Variants in NCAM1 observed in about 807,000 individuals in gnomAD.
The protein encoded by NCAM1 is antigen recognized by monoclonal antibody 5.1H11.
In NCAM1, 14 loss-of-function variants were observed where a neutral mutation model predicts 109.8. That is an observed-to-expected ratio of 0.13 (90% CI 0.08 to 0.20). The LOEUF is 0.20. Among genes scored for constraint, NCAM1 ranks in the 10% least tolerant of loss-of-function variants. The probability of loss-of-function intolerance (pLI) is 1.00; values close to 1 mark genes in which losing one functional copy is unlikely to be tolerated. For synonymous variants in NCAM1, 418 were observed against 442.9 expected, an observed-to-expected ratio of 0.94 and a Z score of 0.70; for missense variants, 774 against 1,109.9, an observed-to-expected ratio of 0.70 and a Z score of 4.30.
chr11:113,025,529 G>T (rs1952511815), intron 1 of NCAM1, among the ~76,000 whole-genome samples: 1 of 151,858 alleles, frequency 6.6e-6, no homozygotes. Flanking sequence ...GAATGAATAA[G>T]ATGTTTCAAA....
In NCAM1 at chr11:113,167,727, C is replaced by T. The variant is rs531370558; in HGVS notation, c.53-34652C>T. Among the ~76,000 whole-genome samples, 27 of 152,228 alleles carry T rather than the reference C, an allele frequency of 1.8e-4. No homozygotes were observed. The East Asian group carries it at 5.2e-3, about 29-fold the overall frequency. On this transcript the variant is annotated intron_variant, in intron 1 of 19. Transcript: ENST00000316851. ...GAGCCCGTGTTCTATGCATTCTCATCATGTGGTTCACATAACTCAGCTCAA... is the reference window on the plus strand; with the variant it reads ...GAGCCCGTGTTCTATGCATTCTCATTATGTGGTTCACATAACTCAGCTCAA...
intron 1 of NCAM1, among the ~76,000 whole-genome samples, chr11:113,028,173 G>A (rs137875050): frequency 5.4e-4 from 82 of 152,244 alleles, no homozygotes; most frequent in Non-Finnish European, 9.3e-4. Flanking sequence ...GATAGCTAAC[G>A]AAGAAGATCT....
chr11:113,146,830 A>C (rs571237407), intron 1 of NCAM1, among the ~76,000 whole-genome samples: 1 of 152,188 alleles, frequency 6.6e-6, no homozygotes, highest in East Asian at 1.9e-4. Context: ...GGCTGGTTCA[A>C]ATCCCAGATA....
rs77832596 is a variant in NCAM1 at position 113,166,862 on chromosome 11, A to G, written c.53-35517A>G. 4.1e-3 allele frequency among the ~76,000 whole-genome samples: 629 copies of G among 152,324 alleles called. 3 individuals carry two copies. The highest frequency in any genetic ancestry group is 0.014 in the African/African-American group (598 of 41,560). ...CCAAGAAAAATGAAATACAAATATA[A>G]TCATTTTAAGCACTTTTTAGTAATC... On this transcript the variant is annotated intron_variant, in intron 1 of 19. Transcript: ENST00000316851.
rs553566575 is a variant in NCAM1, at chr11:113,224,290, G to A, written c.1089+2965G>A. Among the ~76,000 whole-genome samples the A allele has an allele frequency of 4.6e-5, 7 of 152,312 alleles. No homozygotes were observed. The East Asian group carries it at 7.7e-4, about 17-fold the overall frequency. On this transcript the variant is annotated intron_variant, in intron 9 of 19. Transcript: ENST00000316851. ...ACGGCACACCAGGAGATTATATCCC[G>A]CGCATGGCTCAGAGGGTCCTACGCC...
chr11:113,017,321 T>G (rs782285090), intron 1 of NCAM1, among the ~76,000 whole-genome samples: 3 of 152,216 alleles, frequency 2.0e-5, no homozygotes. Context: ...TGTTTAGACA[T>G]GAACAAACTT....
chr11:113,275,196 A>C (rs1232675515), intron 19 of NCAM1, 71 bp from the exon 20 acceptor site: 1 of 1,588,536 alleles, frequency 6.3e-7, no homozygotes, highest in East Asian at 2.3e-5. Flanking sequence ...GCTGTCCCCA[A>C]GGCCTGGATG....
rs574030221 is a variant in NCAM1 at position 113,263,270 on chromosome 11, T to A, written c.2131+2947T>A. ...GTTGCATTTTGGGTTCAAACCTAAA[T>A]ATGATGTAGCAGAGGAAGAATTCTA... On this transcript the variant is annotated intron_variant, in intron 17 of 19. Coordinates refer to ENST00000316851, the MANE Select transcript of NCAM1 (RefSeq NM_181351.5). 3.4e-4 allele frequency: 351 copies of A among 1,031,094 alleles called. 2 individuals carry two copies. The African/African-American group carries it at 5.4e-3, about 16-fold the overall frequency. The allele number at this position is 1,031,094 out of a possible 1,614,324, so 63.9% of individuals were successfully genotyped here. A position where few individuals can be genotyped will look rare whatever the true frequency, so the allele number is the denominator to read the frequency against.
chr11:113,049,420 A>G (rs1555081429), intron 1 of NCAM1, among the ~76,000 whole-genome samples: 1 of 152,222 alleles, frequency 6.6e-6, no homozygotes, highest in Non-Finnish European at 1.5e-5. Flanking sequence ...AAATTAGCCT[A>G]TGTAATGTGT....
intron 1 of NCAM1, among the ~76,000 whole-genome samples, chr11:113,092,113 C>A (rs1490426083): frequency 6.6e-6 from 1 of 152,064 alleles, no homozygotes; most frequent in Admixed American, 6.5e-5. Flanking sequence ...ACAGCAACTT[C>A]TAGAGCTGCA....
intron 1 of NCAM1, among the ~76,000 whole-genome samples, chr11:113,112,486 AG>A (rs782187492): frequency 6.6e-6 from 1 of 152,248 alleles, no homozygotes; most frequent in Non-Finnish European, 1.5e-5. Flanking sequence ...TTTTCCTGCC[AG>A]ACAGAACACT....
intron 1 of NCAM1, among the ~76,000 whole-genome samples, chr11:113,111,442 T>G (rs72995961): frequency 6.6e-6 from 1 of 152,140 alleles, no homozygotes; most frequent in African/African-American, 2.4e-5. Context: ...TGATTCCGTA[T>G]GTATGATGTT....
chr11:113,213,140 G>C (rs1374407348), intron 7 of NCAM1, among the ~76,000 whole-genome samples: 1 of 152,220 alleles, frequency 6.6e-6, no homozygotes, highest in Non-Finnish European at 1.5e-5. Flanking sequence ...TATATAGGCA[G>C]TTGTTTATTT....
chr11:113,194,081 A>G (rs1565491007), intron 1 of NCAM1, among the ~76,000 whole-genome samples: 1 of 152,290 alleles, frequency 6.6e-6, no homozygotes, highest in East Asian at 1.9e-4. Flanking sequence ...GCCAGTCCCC[A>G]ATTATGCCGG....
chr11:112,995,734 C>T (rs4144892), intron 1 of NCAM1, among the ~76,000 whole-genome samples: 68,647 of 152,016 alleles, frequency 0.45, 16,371 homozygotes, highest in East Asian at 0.8. Context: ...TTTTCAGATG[C>T]AATTGGCTAG....
intron 14 of NCAM1, chr11:113,240,787 G>A (rs200008092): frequency 2.2e-5 from 36 of 1,613,066 alleles, no homozygotes; most frequent in African/African-American, 1.5e-4. Context: ...TTTCTTCAGC[G>A]GCATCTGCTA....
At chr11:113,270,445 C>T (rs567897287) in intron 18 of NCAM1, 50 bp downstream of exon 18, 8 of 1,569,284 alleles carry the variant, frequency 5.1e-6, no homozygotes, top group African/African-American at 1.3e-5. Flanking sequence ...TGCTCCAGCC[C>T]AGGGACCCAG....
At chr11:112,970,559 G>A (rs900696910) in intron 1 of NCAM1, among the ~76,000 whole-genome samples, 1 of 152,118 alleles carries the variant, frequency 6.6e-6, no homozygotes, top group Non-Finnish European at 1.5e-5. Flanking sequence ...AAGTTGCTCT[G>A]CTACTAACTA....
rs182835929 is a variant in NCAM1 at position 113,144,122 on chromosome 11, C to T, written c.53-58257C>T. On this transcript the variant is annotated intron_variant, in intron 1 of 19. Transcript: ENST00000316851. ...TGACCTTGGCTCAGTCACTAGCCTG[C>T]CAGTAGTCTGGGTGTCTGGTTTCTA... is the stretch of plus-strand genomic sequence containing the variant. Among the ~76,000 whole-genome samples the T allele has an allele frequency of 4.7e-3, 712 of 152,270 alleles. 4 individuals are homozygous for T. Among genetic ancestry groups the T allele is most frequent in the African/African-American group, 0.016 (685 of 41,560 alleles).
Sources: allele counts gnomAD v4.1 joint callset (sites outside exome capture counted in the v4.1 genomes callset), GRCh38; gene constraint gnomAD v4.1.1; transcripts MANE v1.5; gene names NCBI Gene and HGNC (gene_info 2026-07-23, HGNC 2026-07-21).